The following SORCS2 variants were observed in gnomAD, a reference collection of about 807,000 sequenced individuals.
SORCS2 encodes sortilin related VPS10 domain containing receptor 2, also known as VPS10 domain-containing receptor SorCS2.
In SORCS2, 100 loss-of-function variants were observed where a neutral mutation model predicts 141.6. That is an observed-to-expected ratio of 0.71 (90% CI 0.60 to 0.83). The LOEUF (loss-of-function observed/expected upper bound fraction) is 0.83. SORCS2 is among the 40% of genes least tolerant of loss of function. The pLI is 0.00. For missense variants in SORCS2, 1,646 were observed against 1,560.2 expected (o/e 1.05, Z -0.93); for synonymous variants, 789 against 676.9 (o/e 1.17, Z -2.57).
chr4:7,703,414 G>A (rs996609294), intron 13 of SORCS2, 43 bp downstream of exon 13: 2 of 1,541,348 alleles, frequency 1.3e-6, no homozygotes, highest in South Asian at 1.2e-5. Context: ...GGCAGGCTGG[G>A]GCTCTTTCTT....
chr4:7,593,712 G>T (rs1717070042), intron 3 of SORCS2, among the ~76,000 whole-genome samples: 1 of 152,222 alleles, frequency 6.6e-6, no homozygotes, highest in South Asian at 2.1e-4. Context: ...GATGTTGGCA[G>T]TTACAGGCAG....
chr4:7,442,723 C>A (rs1251394113), intron 2 of SORCS2, among the ~76,000 whole-genome samples: 15 of 150,060 alleles, frequency 1.0e-4, no homozygotes, highest in Admixed American at 1.0e-3. Context: ...CGGAGAGCAG[C>A]ACCCCCAGCC....
intron 1 of SORCS2, among the ~76,000 whole-genome samples, chr4:7,225,706 A>G (rs1195496135): frequency 4.0e-5 from 6 of 151,868 alleles, no homozygotes; most frequent in African/African-American, 1.5e-4. Context: ...GCACCCTGTG[A>G]GCTGGCCCAC....
intron 2 of SORCS2, among the ~76,000 whole-genome samples, chr4:7,445,742 A>G (rs561778398): frequency 1.3e-5 from 2 of 152,278 alleles, no homozygotes; most frequent in Admixed American, 6.5e-5. Flanking sequence ...CCCTTTTGTC[A>G]GGGTTGAGGC....
At chr4:7,402,462 T>C (rs74472892) in intron 2 of SORCS2, among the ~76,000 whole-genome samples, 223 of 152,364 alleles carry the variant, frequency 1.5e-3, no homozygotes, top group African/African-American at 5.3e-3. Context: ...ACTTTGCCTT[T>C]TGAAGTTTGC....
intron 3 of SORCS2, among the ~76,000 whole-genome samples, chr4:7,566,620 C>T (rs1294740209): frequency 6.6e-6 from 1 of 152,244 alleles, no homozygotes; most frequent in African/African-American, 2.4e-5. Context: ...ACTTCTCACT[C>T]AGGGAAGCCC....
chr4:7,479,449 A>T (rs1730495736), intron 2 of SORCS2, among the ~76,000 whole-genome samples: 1 of 152,220 alleles, frequency 6.6e-6, no homozygotes, highest in African/African-American at 2.4e-5. Flanking sequence ...CTTAGAGGTC[A>T]TCTCCCAGAA....
chr4:7,566,361 A>G (rs1181813580), intron 3 of SORCS2, among the ~76,000 whole-genome samples: 1 of 152,050 alleles, frequency 6.6e-6, no homozygotes, highest in Non-Finnish European at 1.5e-5. Flanking sequence ...GATGATGATG[A>G]TGACTCTGCT....
intron 2 of SORCS2, among the ~76,000 whole-genome samples, chr4:7,499,210 G>A (rs967692901): frequency 2.0e-5 from 3 of 152,148 alleles, no homozygotes; most frequent in African/African-American, 4.8e-5. Context: ...GTGTCTGAGT[G>A]TGTGCACGTC....
At chr4:7,318,572 A>G (rs558792811) in intron 1 of SORCS2, among the ~76,000 whole-genome samples, 5 of 152,326 alleles carry the variant, frequency 3.3e-5, no homozygotes, top group African/African-American at 7.2e-5. Flanking sequence ...TAAAATGTCT[A>G]TCGCATCTAT....
intron 1 of SORCS2, among the ~76,000 whole-genome samples, chr4:7,235,481 G>C (rs1349037396): frequency 1.3e-5 from 2 of 149,628 alleles, no homozygotes; most frequent in Non-Finnish European, 2.9e-5. Flanking sequence ...TTGAGTGACT[G>C]TGTCTTGACT....
intron 2 of SORCS2, among the ~76,000 whole-genome samples, chr4:7,406,748 G>T (rs4434254): frequency 0.57 from 86,644 of 151,558 alleles, 24,957 homozygotes; most frequent in Middle Eastern, 0.64. Context: ...CCGATTATTA[G>T]TATTTCTTTC....
At chr4:7,511,716 C>T (rs1732666775) in intron 2 of SORCS2, among the ~76,000 whole-genome samples, 1 of 152,232 alleles carries the variant, frequency 6.6e-6, no homozygotes, top group South Asian at 2.1e-4. Context: ...CAGCTTGTTT[C>T]CTCCTGTTGC....
chr4:7,268,470 G>C (rs146948105), intron 1 of SORCS2, among the ~76,000 whole-genome samples: 1 of 152,184 alleles, frequency 6.6e-6, no homozygotes, highest in Non-Finnish European at 1.5e-5. Context: ...TCAAACTGAA[G>C]GAAGCTGTGC....
chr4:7,723,836 A>G lies in SORCS2; in HGVS notation c.2564A>G (p.Glu855Gly), dbSNP rs763620261. 5 of 1,612,762 alleles carry G rather than the reference A, an allele frequency of 3.1e-6. No homozygotes were observed. The South Asian group carries it at 5.5e-5, about 18-fold the overall frequency. Reference protein sequence around the residue: ...PGIYRVSVRAENTAGHDEAVL... With the variant: ...PGIYRVSVRAGNTAGHDEAVL... ...ATCTACCGCGTGTCCGTCAGGGCAG[A>G]GAACACGGCAGGCCACGATGAGGCG... Residue 855 changes from glutamate to glycine, a missense_variant, in exon 19 of 27, where the codon GAG becomes GGG. Glu to Gly is a moderately conservative substitution (Grantham distance 98, BLOSUM62 -2). Coordinates refer to ENST00000507866, the MANE Select transcript of SORCS2 (RefSeq NM_020777.3).
chr4:7,248,272 A>G (rs1713259736), intron 1 of SORCS2, among the ~76,000 whole-genome samples: 1 of 152,068 alleles, frequency 6.6e-6, no homozygotes, highest in Non-Finnish European at 1.5e-5. Context: ...TGTCAGTTGG[A>G]GAGTGCTCTA....
chr4:7,699,349 C>T (rs920598860), intron 12 of SORCS2, among the ~76,000 whole-genome samples: 12 of 152,164 alleles, frequency 7.9e-5, no homozygotes, highest in African/African-American at 2.9e-4. Flanking sequence ...CCCAGGATGG[C>T]CAGGAGGCAC....
chr4:7,301,296 C>T (rs186755720), intron 1 of SORCS2, among the ~76,000 whole-genome samples: 1 of 152,338 alleles, frequency 6.6e-6, no homozygotes, highest in East Asian at 1.9e-4. Flanking sequence ...GAAACAGAAA[C>T]ACTGCCACTC....
intron 9 of SORCS2, among the ~76,000 whole-genome samples, chr4:7,681,935 T>C (rs1560479670): frequency 6.6e-6 from 1 of 152,208 alleles, no homozygotes; most frequent in Non-Finnish European, 1.5e-5. Context: ...GAGGCCTTGA[T>C]AAGTGGTGGG....
Sources: gnomAD v4.1 joint callset for allele counts (sites outside exome capture counted in the v4.1 genomes callset) on GRCh38, gnomAD v4.1.1 for gene constraint, MANE v1.5 for transcripts, NCBI Gene and HGNC (gene_info 2026-07-23, HGNC 2026-07-21) for gene names.